Variants in PSMA8 observed in about 807,000 individuals in gnomAD.
PSMA8 encodes proteasome subunit alpha-type 8.
In PSMA8, 18 loss-of-function variants were observed where a neutral mutation model predicts 32.4. That is an observed-to-expected ratio of 0.56 (90% confidence interval 0.38 to 0.82). The LOEUF is 0.82. Ranked by LOEUF, PSMA8 falls within the 40% of genes least tolerant of loss-of-function variation. PSMA8 has a pLI of 0.00. For synonymous variants in PSMA8, 104 were observed against 98.1 expected (o/e 1.06, Z -0.36); for missense variants, 298 against 300.7 (o/e 0.99, Z 0.07).
intron 4 of PSMA8, among the ~76,000 whole-genome samples, chr18:26,165,185 A>G (rs1446204038): frequency 6.6e-6 from 1 of 152,188 alleles, no homozygotes; most frequent in Non-Finnish European, 1.5e-5. Context: ...CTGGGATTAC[A>G]AGGGTGAGCC....
intron 3 of PSMA8, among the ~76,000 whole-genome samples, chr18:26,156,222 A>G (rs1323651864): frequency 3.3e-5 from 5 of 152,212 alleles, no homozygotes; most frequent in African/African-American, 1.2e-4. Flanking sequence ...TAATACAGAC[A>G]TTATGGAAAA....
At chr18:26,186,795 C>A (rs1385783944) in intron 6 of PSMA8, among the ~76,000 whole-genome samples, 1 of 152,108 alleles carries the variant, frequency 6.6e-6, no homozygotes, top group Non-Finnish European at 1.5e-5. Flanking sequence ...AACATGAGGA[C>A]AATTCTAGAT....
chr18:26,189,398 T>G (rs368925524), intron 6 of PSMA8, among the ~76,000 whole-genome samples: 2 of 152,002 alleles, frequency 1.3e-5, no homozygotes, highest in African/African-American at 4.8e-5. Context: ...CCTGATGTGG[T>G]GGTGTGCTCC....
chr18:26,175,936 T>G (rs1159205399), intron 4 of PSMA8, among the ~76,000 whole-genome samples: 1 of 152,140 alleles, frequency 6.6e-6, no homozygotes, highest in East Asian at 1.9e-4. Flanking sequence ...TACCTATTTG[T>G]AAGAGAAGCT....
intron 6 of PSMA8, among the ~76,000 whole-genome samples, chr18:26,186,495 C>T (rs1318379484): frequency 6.6e-6 from 1 of 152,086 alleles, no homozygotes; most frequent in Non-Finnish European, 1.5e-5. Context: ...GCCTCTACCC[C>T]TTATTCTTAA....
rs140396618 is a variant in PSMA8 at position 26,183,472 on chromosome 18, G to A, written c.660+4342G>A. Reference sequence around the variant, plus strand: ...TAAGTTGATTCCAACCCTTATGAATGACTTTCAGGAGTTCAAGACTTTAGT... The same window carrying A: ...TAAGTTGATTCCAACCCTTATGAATAACTTTCAGGAGTTCAAGACTTTAGT... On this transcript the variant is annotated intron_variant, in intron 6 of 6. Transcript: ENST00000415576. Among the ~76,000 whole-genome samples, 525 of 150,760 alleles carry A rather than the reference G, an allele frequency of 3.5e-3. 30 individuals are homozygous for A. Among genetic ancestry groups the A allele is most frequent in the African/African-American group, 0.012 (490 of 40,866 alleles).
At chr18:26,181,828 G>T (rs2055313966) in intron 6 of PSMA8, among the ~76,000 whole-genome samples, 1 of 152,072 alleles carries the variant, frequency 6.6e-6, no homozygotes, top group Non-Finnish European at 1.5e-5. Context: ...GCAGGCTGAG[G>T]CAGGAGAATC....
At chr18:26,179,204 C>A in intron 6 of PSMA8, 74 bp downstream of exon 6, 1 of 1,106,774 alleles carries the variant, frequency 9.0e-7, no homozygotes, top group Non-Finnish European at 1.3e-6. Flanking sequence ...AGTTGTTGGC[C>A]TCTAGGCTTC....
chr18:26,162,245 G>A (rs2055141341), intron 4 of PSMA8, among the ~76,000 whole-genome samples: 1 of 152,104 alleles, frequency 6.6e-6, no homozygotes, highest in Non-Finnish European at 1.5e-5. Flanking sequence ...ATGCTGTACA[G>A]TAGATCTCCA....
Position 26,144,571 on chromosome 18 carries a change from G to C in PSMA8, c.115G>C (p.Gly39Arg), listed in dbSNP as rs1308544106. 1.2e-6 allele frequency: 2 copies of C among 1,612,738 alleles called. No homozygotes were observed. Among genetic ancestry groups the C allele is most frequent in the East Asian group, 4.5e-5 (2 of 44,796 alleles). Reference protein sequence around the residue: ...KKGSTAVGIRGTNIVVLGVEK... With the variant: ...KKGSTAVGIRRTNIVVLGVEK... ...AATGACTTGACAGGTCGGAATTCGAGGTACCAATATAGTTGTTCTTGGGGT... is the reference window on the plus strand; with the variant it reads ...AATGACTTGACAGGTCGGAATTCGACGTACCAATATAGTTGTTCTTGGGGT... Residue 39 changes from glycine (G) to arginine (R), a missense_variant, in exon 2 of 7, where the codon GGT (glycine) becomes CGT (arginine). Physicochemically the swap from Gly to Arg is moderately radical, Grantham distance 125. Transcript: ENST00000415576.
At chr18:26,166,022 A>C (rs1303212539) in intron 4 of PSMA8, among the ~76,000 whole-genome samples, 2 of 152,110 alleles carry the variant, frequency 1.3e-5, no homozygotes, top group East Asian at 3.9e-4. Context: ...GAATTGCTTG[A>C]ACCCAGGAGG....
chr18:26,144,650 G>C lies in PSMA8; in HGVS notation c.194G>C (p.Cys65Ser). 3 of 1,613,872 alleles carry C rather than the reference G, an allele frequency of 1.9e-6. No homozygotes were observed. Among genetic ancestry groups the C allele is most frequent in the Non-Finnish European group, 2.5e-6 (3 of 1,179,908 alleles). The change falls in exon 2 of 7, where the codon TGT (cysteine) becomes TCT (serine). Residue 65 changes from cysteine (C) to serine (S), a missense_variant. Transcript: ENST00000415576. ...LQDERTVRKICALDDHVCMAF... is the reference protein window; with the variant it reads ...LQDERTVRKISALDDHVCMAF... ...GATGAAAGAACTGTGAGGAAAATTTGTGCCCTTGATGACCATGTCTGCATG... is the reference window on the plus strand; with the variant it reads ...GATGAAAGAACTGTGAGGAAAATTTCTGCCCTTGATGACCATGTCTGCATG...
chr18:26,136,682 A>G (rs2054914235), intron 1 of PSMA8, among the ~76,000 whole-genome samples: 1 of 152,170 alleles, frequency 6.6e-6, no homozygotes. Context: ...AGTATTTACT[A>G]TTTGACCTGA....
chr18:26,164,030 T>C (rs1458297267), intron 4 of PSMA8, among the ~76,000 whole-genome samples: 1 of 152,234 alleles, frequency 6.6e-6, no homozygotes, highest in African/African-American at 2.4e-5. Flanking sequence ...GTTATCAATT[T>C]ACTCAGTTCC....
At chr18:26,164,284 AATAG>A (rs2055160784) in intron 4 of PSMA8, among the ~76,000 whole-genome samples, 1 of 152,220 alleles carries the variant, frequency 6.6e-6, no homozygotes, top group Admixed American at 6.5e-5. Flanking sequence ...CAAAATTAAA[AATAG>A]ATAAATAATA....
chr18:26,181,814 C>T (rs533397475), intron 6 of PSMA8, among the ~76,000 whole-genome samples: 42 of 152,046 alleles, frequency 2.8e-4, no homozygotes, highest in Non-Finnish European at 5.9e-4. Context: ...ATCCCAGCTA[C>T]TCGGCAGGCT....
chr18:26,161,474 C>T (rs1242025126), intron 4 of PSMA8, among the ~76,000 whole-genome samples: 3 of 152,212 alleles, frequency 2.0e-5, no homozygotes, highest in Non-Finnish European at 4.4e-5. Flanking sequence ...GATGAGAGAA[C>T]ATAGTAAAAC....
intron 4 of PSMA8, among the ~76,000 whole-genome samples, chr18:26,171,919 A>G (rs2055225143): frequency 1.3e-5 from 2 of 152,220 alleles, no homozygotes; most frequent in Admixed American, 6.5e-5. Flanking sequence ...GAGTATCAGC[A>G]TATTTGCATA....
chr18:26,142,037 A>ATT (rs71169819), intron 1 of PSMA8, among the ~76,000 whole-genome samples: 7,176 of 117,542 alleles, frequency 0.061, 527 homozygotes, highest in African/African-American at 0.13. Flanking sequence ...AATAATGCTA[A>ATT]TTTTTTTTTT....
Sources: allele counts gnomAD v4.1 joint callset (sites outside exome capture counted in the v4.1 genomes callset), GRCh38; gene constraint gnomAD v4.1.1; transcripts MANE v1.5; gene names NCBI Gene and HGNC (gene_info 2026-07-23, HGNC 2026-07-21).